The following COL6A2 variants were observed in gnomAD, a reference collection of about 807,000 sequenced individuals.
COL6A2 encodes collagen alpha-2(VI) chain.
A neutral mutation model predicts 124.9 loss-of-function variants in COL6A2; 90 were observed. The ratio of observed to expected loss-of-function variants is 0.72; its 90% confidence interval spans 0.61 to 0.86. COL6A2 has a LOEUF of 0.86. COL6A2 is among the 40% of genes least tolerant of loss of function. The pLI, the probability that COL6A2 is intolerant of heterozygous loss-of-function variation, is 0.00. For synonymous variants in COL6A2, 793 were observed against 618.2 expected (o/e 1.28, Z -4.19); for missense variants, 1,607 against 1,502.5 (o/e 1.07, Z -1.15).
At chr21:46,111,392 GGAGGGTGCCAGGGGA>G in intron 1 of COL6A2, 43 bp from the exon 2 acceptor site, 1 of 976,906 alleles carries the variant, frequency 1.0e-6, no homozygotes, top group Non-Finnish European at 1.6e-6. Flanking sequence ...CTGCCATGGG[GGAGGGTGCCAGGGGA>G]GAGGCACTGG....
chr21:46,122,050 GC>G (rs1422944271), intron 18 of COL6A2, 57 bp from the exon 19 acceptor site: 2 of 1,573,288 alleles, frequency 1.3e-6, no homozygotes, highest in East Asian at 2.2e-5. Context: ...GTTGAGCACA[GC>G]CCCCCAGCCC....
In COL6A2 at chr21:46,119,016, C is replaced by T. The variant is rs764700368; in HGVS notation, c.1180-14C>T. ...CCTGCCTCTGGGTGACTGTGCTGTC[C>T]TCTCCTTCTTCAGGGGTATCAAGGC... On this transcript the variant is annotated splice_polypyrimidine_tract_variant and intron_variant, in intron 13 of 27. Transcript: ENST00000300527. The T allele has an allele frequency of 7.5e-6, 12 of 1,592,974 alleles. No individual in the cohort carries two copies. The highest frequency in any genetic ancestry group is 2.7e-5 in the African/African-American group (2 of 74,636).
Position 46,122,914 on chromosome 21 carries a change from A to G in COL6A2, c.1648A>G (p.Arg550Gly), listed in dbSNP as rs2078589420. ...CTTTGGCTTGAAAGGAGAACCTGGG[A>G]GGAAAGGAGAGAAAGGAGAGCCTGT... ...GDFGLKGEPG[R>G]KGEKGEPADP... The change falls in exon 21 of 28, where the codon AGG (arginine) becomes GGG (glycine). Residue 550 changes from arginine (R) to glycine (G), a missense_variant. Arg to Gly is a moderately radical substitution (Grantham distance 125). This residue lies in a region of COL6A2 where 1,223 missense variants were observed against 1,052.2 expected (regional missense o/e 1.16). Transcript: ENST00000300527. 2 of 1,613,264 alleles carry G rather than the reference A, an allele frequency of 1.2e-6. No homozygotes were observed. The highest frequency in any genetic ancestry group is 1.7e-6 in the Non-Finnish European group (2 of 1,179,920).
At chr21:46,110,264 G>A (rs1055938114) in intron 1 of COL6A2, among the ~76,000 whole-genome samples, 2 of 152,162 alleles carry the variant, frequency 1.3e-5, no homozygotes, top group Non-Finnish European at 2.9e-5. Context: ...TGATGGCAGC[G>A]GCCACACCAG....
In COL6A2 at chr21:46,112,377, G is replaced by A; in HGVS notation, c.514G>A (p.Gly172Ser). The change falls in exon 3 of 28, where the codon GGC (glycine) becomes AGC (serine). Residue 172 changes from glycine (G) to serine (S), a missense_variant. Gly to Ser is a moderately conservative substitution (Grantham distance 56, BLOSUM62 0). Transcript: ENST00000300527. Reference sequence around the variant, plus strand: ...CCACGTCACCGGCAGCCCCTGCGGGGGCATCAAGCTGCAGGCCGAGCGGGC... The same window carrying A: ...CCACGTCACCGGCAGCCCCTGCGGGAGCATCAAGCTGCAGGCCGAGCGGGC... ...DGHVTGSPCG[G>S]IKLQAERARE... 1.9e-6 allele frequency: 3 copies of A among 1,608,258 alleles called. No homozygotes were observed. Among genetic ancestry groups the A allele is most frequent in the Non-Finnish European group, 2.5e-6 (3 of 1,178,456 alleles).
At chr21:46,112,655 T>C (rs2078421325) in intron 3 of COL6A2, 78 bp downstream of exon 3, 1 of 1,593,186 alleles carries the variant, frequency 6.3e-7, no homozygotes, top group Non-Finnish European at 8.6e-7. Context: ...GGCCTCACTT[T>C]ACCCCTCTGT....
At chr21:46,121,028 A>C (rs764158963) in intron 16 of COL6A2, 33 bp from the exon 17 acceptor site, 1 of 1,608,528 alleles carries the variant, frequency 6.2e-7, no homozygotes, top group South Asian at 1.1e-5. Flanking sequence ...GCTGTCAGTC[A>C]AGAGAACCCC....
In COL6A2 at chr21:46,116,969, C is replaced by T. The variant is rs943758089; in HGVS notation, c.999+155C>T. ...CACACACACACACGAACTTCAGCTC[C>T]TGCCACATCCCACTGCCCCACCCAG... On this transcript the variant is annotated intron_variant, in intron 10 of 27. Transcript: ENST00000300527. This position sits in a 1 kb window ranked among gnomAD's most constrained non-coding sequence, Gnocchi z 4.6. 6.7e-6 allele frequency among the ~76,000 whole-genome samples: 1 copy of T among 149,178 alleles called. No individual in the cohort carries two copies. The highest frequency in any genetic ancestry group is 2.5e-5 in the African/African-American group (1 of 39,956).
intron 21 of COL6A2, among the ~76,000 whole-genome samples, chr21:46,124,080 ATGGGTGGG>A (rs1282599980): frequency 7.1e-6 from 1 of 140,376 alleles, no homozygotes; most frequent in Admixed American, 7.1e-5. Context: ...CGATGGATGA[ATGGGTGGG>A]TGGGTAGAGG....
intron 1 of COL6A2, among the ~76,000 whole-genome samples, chr21:46,109,895 C>T (rs1433246518): frequency 2.6e-5 from 4 of 152,210 alleles, no homozygotes; most frequent in African/African-American, 9.6e-5. Flanking sequence ...GAAACTGCAC[C>T]AGGAGTGGGG....
At chr21:46,118,978 A>G (rs923075250) in intron 13 of COL6A2, 52 bp from the exon 14 acceptor site, 16 of 1,394,078 alleles carry the variant, frequency 1.1e-5, no homozygotes, top group Non-Finnish European at 7.1e-6. Context: ...AGGCGTGACC[A>G]TGCCTCAGGG....
At chr21:46,102,456 C>T (rs1240029982) in intron 1 of COL6A2, among the ~76,000 whole-genome samples, 4 of 152,156 alleles carry the variant, frequency 2.6e-5, no homozygotes, top group Non-Finnish European at 4.4e-5. Context: ...AGCAGGCATC[C>T]TTCCTTTATT....
At chr21:46,130,740 G>A (rs2078749792) in intron 27 of COL6A2, among the ~76,000 whole-genome samples, 1 of 152,188 alleles carries the variant, frequency 6.6e-6, no homozygotes, top group African/African-American at 2.4e-5. Flanking sequence ...TAGTTTTGAG[G>A]GGGTTTGGGA....
intron 12 of COL6A2, 139 bp from the exon 13 acceptor site, chr21:46,118,475 A>T (rs1601230821): frequency 6.5e-6 from 5 of 774,532 alleles, no homozygotes; most frequent in Non-Finnish European, 1.1e-5. Flanking sequence ...CCCAGCCAGC[A>T]TCTGGCATCC....
At chr21:46,129,719 G>A in intron 27 of COL6A2, 1 of 1,399,868 alleles carries the variant, frequency 7.1e-7, no homozygotes, top group Non-Finnish European at 9.2e-7. Context: ...TCTTCCTGTG[G>A]CCGCTCTCTT....
At position 46,118,611 on chromosome 21, in the gene COL6A2, C is replaced by T. The variant is rs772428654; in HGVS notation, c.1117-3C>T. 15 of 1,612,356 alleles carry T rather than the reference C, an allele frequency of 9.3e-6. No individual in the cohort carries two copies. In the Admixed American group the frequency reaches 1.7e-4, roughly 18 times the overall value. On this transcript the variant is annotated splice_polypyrimidine_tract_variant and splice_region_variant and intron_variant, in intron 12 of 27. Coordinates refer to ENST00000300527, the MANE Select transcript of COL6A2 (RefSeq NM_001849.4). ...GTGAGGCTGATTCTGCAAACCCTTC[C>T]AGGGGGACCCTGGCCGCCCAGGACG...
chr21:46,115,687 T>A (rs909822323), intron 5 of COL6A2, among the ~76,000 whole-genome samples, 185 bp from the exon 6 acceptor site: 105 of 152,194 alleles, frequency 6.9e-4, no homozygotes, highest in African/African-American at 2.4e-3. Context: ...GAGAAATGGG[T>A]CAAAGCAAAC....
chr21:46,118,043 C>T (rs1241572893), intron 12 of COL6A2, 107 bp downstream of exon 12: 10 of 1,085,410 alleles, frequency 9.2e-6, no homozygotes, highest in Non-Finnish European at 1.2e-5. Flanking sequence ...TTTCTGGAAA[C>T]ACTGGTCAGT....
At chr21:46,109,337 A>C (rs768043020) in intron 1 of COL6A2, among the ~76,000 whole-genome samples, 5 of 152,158 alleles carry the variant, frequency 3.3e-5, no homozygotes, top group Non-Finnish European at 7.4e-5. Context: ...GGGCTTTTAA[A>C]GGCCTCAGAG....
Sources: gnomAD v4.1 joint callset for allele counts (sites outside exome capture counted in the v4.1 genomes callset) on GRCh38, gnomAD v4.1.1 for gene constraint, gnomAD v4.1.1 regional missense constraint, Gnocchi (gnomAD v3.1) non-coding constraint, MANE v1.5 for transcripts, NCBI Gene and HGNC (gene_info 2026-07-23, HGNC 2026-07-21) for gene names.